SNAP25: variants seen among roughly 807,000 people sequenced by gnomAD.
SNAP25 encodes synaptosome associated protein 25, also known as synaptosomal-associated protein 25.
In SNAP25, 3 loss-of-function variants were observed where a neutral mutation model predicts 28.7. That is an observed-to-expected ratio of 0.10 (90% CI 0.05 to 0.27). The LOEUF is 0.27. Ranked by LOEUF, SNAP25 falls within the 10% of genes least tolerant of loss-of-function variation. The pLI is 1.00. For synonymous variants in SNAP25, 61 were observed against 88.1 expected, an observed-to-expected ratio of 0.69 and a Z score of 1.72; for missense variants, 117 against 278.7, an observed-to-expected ratio of 0.42 and a Z score of 4.13.
At chr20:10,272,206 A>G (rs1200370372) in intron 1 of SNAP25, among the ~76,000 whole-genome samples, 1 of 152,230 alleles carries the variant, frequency 6.6e-6, no homozygotes, top group Non-Finnish European at 1.5e-5. Context: ...ATTAAGCTCC[A>G]CATCCTTTTT....
rs1362104911 is a variant in SNAP25 at position 10,218,882 on chromosome 20, G to A, written c.-159G>A. On this transcript the variant is annotated 5_prime_UTR_variant, in exon 1 of 8. Transcript: ENST00000254976. ...GCATTGAAGACGAAACCTCGGGGAG[G>A]TCAGGCGCTGTCTTTCCTTCCCTCC... 1 of 152,318 alleles carries A rather than the reference G, an allele frequency of 6.6e-6. No homozygotes were observed. The highest frequency in any genetic ancestry group is 2.4e-5 in the African/African-American group (1 of 41,434). 9.4% of individuals were successfully genotyped at this position (152,318 alleles called of 1,614,324 possible).
At position 10,301,626 on chromosome 20, in the gene SNAP25, T is replaced by C. The variant is rs189726169; in HGVS notation, c.552+2214T>C. ...CACTGTAGGGGTAAGGAGAGTCTTA[T>C]GATGTTTCTCTCATAATCTCTCATG... On this transcript the variant is annotated intron_variant, in intron 7 of 7. Transcript: ENST00000254976. Among the ~76,000 whole-genome samples the C allele has an allele frequency of 9.0e-4, 137 of 152,146 alleles. 1 individual carries two copies. The highest frequency in any genetic ancestry group is 3.4e-3 in the Middle Eastern group (1 of 294).
chr20:10,294,187 T>G (rs561606876), intron 5 of SNAP25, among the ~76,000 whole-genome samples: 1 of 152,256 alleles, frequency 6.6e-6, no homozygotes, highest in African/African-American at 2.4e-5. Flanking sequence ...CACTTCCCCC[T>G]TCTAAAAGAA....
intron 7 of SNAP25, among the ~76,000 whole-genome samples, chr20:10,304,833 A>G (rs1287295309): frequency 2.0e-5 from 3 of 152,178 alleles, no homozygotes; most frequent in Non-Finnish European, 2.9e-5. Flanking sequence ...AATTTACTGG[A>G]GAGATGGTGA....
At chr20:10,286,859 T>G (rs2063889860) in intron 4 of SNAP25, among the ~76,000 whole-genome samples, 2 of 152,308 alleles carry the variant, frequency 1.3e-5, no homozygotes, top group East Asian at 1.9e-4. Flanking sequence ...TTGAAGATAC[T>G]GCAGTAGCAA....
chr20:10,274,968 G>C (rs374076964), intron 1 of SNAP25, among the ~76,000 whole-genome samples: 2 of 152,066 alleles, frequency 1.3e-5, no homozygotes, highest in Non-Finnish European at 2.9e-5. Flanking sequence ...TTTGATTGCA[G>C]TCATGGTTTC....
intron 1 of SNAP25, among the ~76,000 whole-genome samples, chr20:10,269,364 C>T (rs1031665119): frequency 6.6e-6 from 1 of 151,982 alleles, no homozygotes; most frequent in Non-Finnish European, 1.5e-5. Context: ...ATTGTGCCAC[C>T]GCACTCCCAC....
intron 1 of SNAP25, among the ~76,000 whole-genome samples, chr20:10,226,696 G>A (rs1384886049): frequency 6.6e-6 from 1 of 152,108 alleles, no homozygotes; most frequent in Non-Finnish European, 1.5e-5. Flanking sequence ...TGAGCTGTCA[G>A]TATCTACAGA....
At chr20:10,289,340 T>G in intron 4 of SNAP25, among the ~76,000 whole-genome samples, 1 of 152,210 alleles carries the variant, frequency 6.6e-6, no homozygotes, top group East Asian at 1.9e-4. Context: ...TTCCTTTTGC[T>G]GGTCTTTGCT....
At chr20:10,279,780 T>C (rs1382348318) in intron 3 of SNAP25, among the ~76,000 whole-genome samples, 1 of 152,258 alleles carries the variant, frequency 6.6e-6, no homozygotes, top group Non-Finnish European at 1.5e-5. Context: ...ATGGAAGCTA[T>C]CTCCTGCCTC....
intron 1 of SNAP25, among the ~76,000 whole-genome samples, chr20:10,256,896 A>G (rs2063327400): frequency 6.6e-6 from 1 of 152,260 alleles, no homozygotes; most frequent in Non-Finnish European, 1.5e-5. Flanking sequence ...TGTCTAATAT[A>G]TGAAAATTTT....
At chr20:10,287,459 A>G (rs1369905903) in intron 4 of SNAP25, among the ~76,000 whole-genome samples, 1 of 150,982 alleles carries the variant, frequency 6.6e-6, no homozygotes. Flanking sequence ...CCACAATGAG[A>G]TACCATCTCA....
At chr20:10,292,672 G>T (rs1203031735) in intron 4 of SNAP25, among the ~76,000 whole-genome samples, 10 of 152,024 alleles carry the variant, frequency 6.6e-5, no homozygotes, top group Admixed American at 6.6e-4. Flanking sequence ...CCATCATGTT[G>T]AATTACAAAG....
chr20:10,245,241 C>A (rs1394131015), intron 1 of SNAP25, among the ~76,000 whole-genome samples: 2 of 152,216 alleles, frequency 1.3e-5, no homozygotes, highest in African/African-American at 4.8e-5. Context: ...CTCTCTCTCA[C>A]TGTCTATATC....
intron 1 of SNAP25, among the ~76,000 whole-genome samples, chr20:10,271,635 G>T (rs551441019): frequency 1.0e-3 from 155 of 152,340 alleles, no homozygotes; most frequent in African/African-American, 3.5e-3. Flanking sequence ...GAGCCAGGGC[G>T]CCCTACAGCT....
chr20:10,265,317 T>G (rs1044268110), intron 1 of SNAP25, among the ~76,000 whole-genome samples: 2 of 152,176 alleles, frequency 1.3e-5, no homozygotes, highest in African/African-American at 4.8e-5. Flanking sequence ...AAACAGAAAC[T>G]TACAGCATGT....
chr20:10,238,673 G>T (rs1266000946), intron 1 of SNAP25, among the ~76,000 whole-genome samples: 1 of 152,150 alleles, frequency 6.6e-6, no homozygotes, highest in East Asian at 1.9e-4. Context: ...ACTTTGAGAG[G>T]CCGAGGCAGG....
intron 3 of SNAP25, among the ~76,000 whole-genome samples, chr20:10,282,166 AG>A: frequency 7.4e-5 from 1 of 13,460 alleles, no homozygotes; most frequent in South Asian, 2.7e-3. Flanking sequence ...GAAGGATGGA[AG>A]GAAGGAAGGA....
intron 1 of SNAP25, chr20:10,219,485 C>A (rs954015813): frequency 7.9e-5 from 12 of 152,234 alleles, no homozygotes; most frequent in African/African-American, 2.9e-4. Flanking sequence ...AGCCTCCATG[C>A]CCCGCGGACT....
Sources: allele counts gnomAD v4.1 joint callset (sites outside exome capture counted in the v4.1 genomes callset), GRCh38; gene constraint gnomAD v4.1.1; transcripts MANE v1.5; gene names NCBI Gene and HGNC (gene_info 2026-07-23, HGNC 2026-07-21).